Variants in ZFP91 observed in about 807,000 individuals in gnomAD.
The protein encoded by ZFP91 is E3 ubiquitin-protein ligase ZFP91.
A neutral mutation model predicts 63.5 loss-of-function variants in ZFP91; 7 were observed. The ratio of observed to expected loss-of-function variants is 0.11; its 90% confidence interval spans 0.06 to 0.21. The LOEUF (loss-of-function observed/expected upper bound fraction) is 0.21, where lower values mean the gene tolerates loss of function less well. ZFP91 is among the 10% of genes least tolerant of loss of function. ZFP91 has a pLI of 1.00. For missense variants in ZFP91, 628 were observed against 736.6 expected (o/e 0.85, Z 1.71); for synonymous variants, 330 against 272.1 (o/e 1.21, Z -2.10).
In ZFP91 at chr11:58,618,534, G is replaced by A. The variant is rs1386067820; in HGVS notation, c.*828G>A. 1.0e-5 allele frequency: 4 copies of A among 390,204 alleles called. No individual in the cohort carries two copies. Among genetic ancestry groups the A allele is most frequent in the African/African-American group, 6.4e-5 (3 of 47,174 alleles). The allele number at this position is 390,204 out of a possible 1,614,324, so 24.2% of individuals were successfully genotyped here. ...GCACTTTGAACATGTGTGTTTTTGT[G>A]TTGTGGAACCTGAGATTCCTTATTT... On this transcript the variant is annotated 3_prime_UTR_variant, in exon 11 of 11. Transcript: ENST00000316059.
chr11:58,600,406 A>T (rs1187755854), intron 2 of ZFP91, among the ~76,000 whole-genome samples: 3 of 152,034 alleles, frequency 2.0e-5, no homozygotes, highest in African/African-American at 7.2e-5. Context: ...TATGTTGGTC[A>T]TATATTCTGG....
At chr11:58,594,220 T>G (rs1218291973) in intron 2 of ZFP91, among the ~76,000 whole-genome samples, 1 of 152,206 alleles carries the variant, frequency 6.6e-6, no homozygotes, top group African/African-American at 2.4e-5. Context: ...TTTTGTCATG[T>G]TTTCTCTGCT....
At chr11:58,584,035 G>C (rs1348898320) in intron 1 of ZFP91, among the ~76,000 whole-genome samples, 1 of 151,930 alleles carries the variant, frequency 6.6e-6, no homozygotes, top group Admixed American at 6.6e-5. Flanking sequence ...TCATTATACT[G>C]TCCTCACCAG....
Position 58,594,147 on chromosome 11 carries a change from T to C in ZFP91, c.370+9263T>C, listed in dbSNP as rs79671814. Among the ~76,000 whole-genome samples, 485 of 152,302 alleles carry C rather than the reference T, an allele frequency of 3.2e-3. 2 individuals are homozygous for C. The highest frequency in any genetic ancestry group is 0.011 in the African/African-American group (468 of 41,562). Reference sequence around the variant, plus strand: ...TCTGTCTGTGGCTATTAGGATAAGATTCAAAATCCTGGAAGGACCTTGTTA... The same window carrying C: ...TCTGTCTGTGGCTATTAGGATAAGACTCAAAATCCTGGAAGGACCTTGTTA... On this transcript the variant is annotated intron_variant, in intron 2 of 10. Transcript: ENST00000316059.
chr11:58,613,562 G>T (rs549666506), intron 8 of ZFP91, among the ~76,000 whole-genome samples: 19 of 152,278 alleles, frequency 1.2e-4, no homozygotes, highest in African/African-American at 3.1e-4. Context: ...AATTCCCAAT[G>T]TGGTGTAAAT....
Position 58,617,708 on chromosome 11 carries a change from G to T in ZFP91, c.*2G>T. The T allele has an allele frequency of 1.3e-6, 2 of 1,497,814 alleles. No individual in the cohort carries two copies. Among genetic ancestry groups the T allele is most frequent in the Non-Finnish European group, 1.8e-6 (2 of 1,124,364 alleles). The allele number at this position is 1,497,814 out of a possible 1,614,324, so 92.8% of individuals were successfully genotyped here. Reference sequence around the variant, plus strand: ...GATTCAGACTCTGCCGGACCTTAGTGGACAGGAAGACTTGGGGCATGGGAC... The same window carrying T: ...GATTCAGACTCTGCCGGACCTTAGTTGACAGGAAGACTTGGGGCATGGGAC... On this transcript the variant is annotated 3_prime_UTR_variant, in exon 11 of 11. Transcript: ENST00000316059. The surrounding 1 kb of genome is among the most constrained non-coding windows in gnomAD (Gnocchi z 4.2).
intron 2 of ZFP91, among the ~76,000 whole-genome samples, chr11:58,603,459 C>T (rs1421251248): frequency 1.3e-5 from 2 of 152,158 alleles, no homozygotes; most frequent in Non-Finnish European, 2.9e-5. Context: ...AATAGACATG[C>T]AATTTTTCAG....
In ZFP91 at chr11:58,579,640, A is replaced by G. The variant is rs763578314; in HGVS notation, c.341+18A>G. 2.6e-6 allele frequency: 4 copies of G among 1,535,472 alleles called. No homozygotes were observed. The highest frequency in any genetic ancestry group is 4.3e-5 in the Admixed American group (2 of 46,864). The stretch of plus-strand genomic sequence containing the variant: ...CGACTCCTGTGAGTAACAGTCTTTC[A>G]GGCGGTGGGAAAGACCCCCCTCTGT... On this transcript the variant is annotated intron_variant, in intron 1 of 10. Transcript: ENST00000316059.
chr11:58,582,878 C>T (rs908460742), intron 1 of ZFP91, among the ~76,000 whole-genome samples: 2 of 151,992 alleles, frequency 1.3e-5, no homozygotes, highest in Non-Finnish European at 2.9e-5. Context: ...TTTCATTGTG[C>T]TCAAGAGAAG....
chr11:58,611,488 G>T, intron 5 of ZFP91, 116 bp from the exon 6 acceptor site: 1 of 1,302,466 alleles, frequency 7.7e-7, no homozygotes, highest in Non-Finnish European at 1.0e-6. Context: ...CACATTTCAT[G>T]AACTGAGGAA....
chr11:58,612,189 CCG>C, intron 6 of ZFP91, 87 bp from the exon 7 acceptor site: 1 of 1,222,418 alleles, frequency 8.2e-7, no homozygotes, highest in Non-Finnish European at 1.2e-6. Context: ...TGTTCTTTGG[CCG>C]TGTGTGTGTG....
rs1403755316 is a variant in ZFP91, at chr11:58,579,207, G to A, written c.-75G>A. On this transcript the variant is annotated 5_prime_UTR_variant, in exon 1 of 11. Coordinates refer to ENST00000316059, the MANE Select transcript of ZFP91 (RefSeq NM_053023.5). ...CGCAGGCTTCGGGAGGCGAGGGGGC[G>A]GGGGGAGCAGCGCCGAGGCCGCCGC... is the stretch of plus-strand genomic sequence containing the variant. The A allele has an allele frequency of 7.3e-6, 9 of 1,235,624 alleles. No individual in the cohort carries two copies. The highest frequency in any genetic ancestry group is 2.9e-4 in the Middle Eastern group (1 of 3,448). 76.5% of individuals were successfully genotyped at this position (1,235,624 alleles called of 1,614,324 possible). A position where few individuals can be genotyped will look rare whatever the true frequency, so the allele number is the denominator to read the frequency against.
intron 1 of ZFP91, among the ~76,000 whole-genome samples, chr11:58,584,493 T>G (rs1855170807): frequency 6.6e-6 from 1 of 152,122 alleles, no homozygotes; most frequent in Admixed American, 6.5e-5. Flanking sequence ...ATATAATCAC[T>G]TAATGTAACA....
intron 6 of ZFP91, 116 bp from the exon 7 acceptor site, chr11:58,612,162 G>T: frequency 2.9e-6 from 3 of 1,020,546 alleles, no homozygotes; most frequent in Non-Finnish European, 4.4e-6. Context: ...ATGTATTCTT[G>T]GTTATCCTTT....
intron 1 of ZFP91, among the ~76,000 whole-genome samples, chr11:58,584,417 G>A (rs753069106): frequency 1.1e-4 from 16 of 151,916 alleles, no homozygotes; most frequent in African/African-American, 1.7e-4. Flanking sequence ...GAAGTATTTT[G>A]GAGCACATCC....
intron 9 of ZFP91, among the ~76,000 whole-genome samples, chr11:58,614,561 C>G (rs149962856): frequency 6.6e-6 from 1 of 152,046 alleles, no homozygotes; most frequent in African/African-American, 2.4e-5. Flanking sequence ...CTTCTATGAC[C>G]GGGATAATGA....
intron 7 of ZFP91, 66 bp from the exon 8 acceptor site, chr11:58,612,696 A>G: frequency 8.0e-7 from 1 of 1,253,104 alleles, no homozygotes; most frequent in Non-Finnish European, 1.1e-6. Flanking sequence ...AGTTTAAGTC[A>G]GAGGCCACTG....
chr11:58,580,705 TAGA>T (rs1315349592), intron 1 of ZFP91, among the ~76,000 whole-genome samples: 1 of 152,204 alleles, frequency 6.6e-6, no homozygotes, highest in East Asian at 1.9e-4. Context: ...ATGCTTGCCT[TAGA>T]AGCCTCTCAG....
intron 2 of ZFP91, among the ~76,000 whole-genome samples, chr11:58,592,117 C>G (rs1855317904): frequency 7.4e-6 from 1 of 135,794 alleles, no homozygotes; most frequent in Admixed American, 7.7e-5. Context: ...CTGAATTTCA[C>G]TCTTGCCCAG....
Sources: gnomAD v4.1 joint callset for allele counts (sites outside exome capture counted in the v4.1 genomes callset) on GRCh38, gnomAD v4.1.1 for gene constraint, Gnocchi (gnomAD v3.1) non-coding constraint, MANE v1.5 for transcripts, NCBI Gene and HGNC (gene_info 2026-07-23, HGNC 2026-07-21) for gene names.